PCIF1: variants seen among roughly 807,000 people sequenced by gnomAD.
The protein encoded by PCIF1 is phosphorylated CTD interacting factor 1.
A neutral mutation model predicts 86.9 loss-of-function variants in PCIF1; 12 were observed. The ratio of observed to expected loss-of-function variants is 0.14; its 90% CI spans 0.09 to 0.22. PCIF1 has a LOEUF of 0.22. PCIF1 is among the 10% of genes least tolerant of loss of function. The pLI is 1.00. For synonymous variants in PCIF1, 397 were observed against 372.0 expected, an observed-to-expected ratio of 1.07 and a Z score of -0.77; for missense variants, 701 against 951.1, an observed-to-expected ratio of 0.74 and a Z score of 3.46.
chr20:45,943,369 C>T lies in PCIF1; in HGVS notation c.851C>T (p.Ala284Val). The T allele has an allele frequency of 6.2e-7, 1 of 1,614,122 alleles. No individual in the cohort carries two copies. The highest frequency in any genetic ancestry group is 8.5e-7 in the Non-Finnish European group (1 of 1,180,006). ...RLSRIKFREE[A>V]KRLLFKYAEA... ...TCCCGAATCAAGTTCCGGGAGGAAG[C>T]CAAGCGCCTGCTCTTTAAATATGCG... Residue 284 changes from alanine to valine, a missense_variant, in exon 9 of 17, where the codon GCC becomes GTC. Ala to Val is a moderately conservative substitution (Grantham distance 64, BLOSUM62 0). Around this residue, in one of 7 missense-constraint regions of PCIF1, gnomAD observed 129 missense variants for 245.9 expected, o/e 0.52. Transcript: ENST00000372409. This position sits in a 1 kb window ranked among gnomAD's most constrained non-coding sequence, Gnocchi z 5.5.
In PCIF1 at chr20:45,945,727, T is replaced by A; in HGVS notation, c.1185T>A (p.Pro395=). Residue 395 remains proline, a synonymous_variant, in exon 12 of 17, where the codon CCT becomes CCA. Coordinates refer to ENST00000372409, the MANE Select transcript of PCIF1 (RefSeq NM_022104.4). ...ENNISEEVEA[P]EVEPRLVYCY... ...TGCCCACAGAGGAGGTGGAGGCCCC[T>A]GAGGTGGAGCCCCGCCTAGTGTACT... 1 of 1,613,576 alleles carries A rather than the reference T, an allele frequency of 6.2e-7. No individual in the cohort carries two copies.
At position 45,947,990 on chromosome 20, in the gene PCIF1, T is replaced by A. The variant is rs1482462877; in HGVS notation, c.*235T>A. 1.3e-6 allele frequency: 2 copies of A among 1,517,840 alleles called. No individual in the cohort carries two copies. Among genetic ancestry groups the A allele is most frequent in the African/African-American group, 2.8e-5 (2 of 72,520 alleles). 94.0% of individuals were successfully genotyped at this position (1,517,840 alleles called of 1,614,324 possible). A position where few individuals can be genotyped will look rare whatever the true frequency, so the allele number is the denominator to read the frequency against. On this transcript the variant is annotated 3_prime_UTR_variant, in exon 17 of 17. Coordinates refer to ENST00000372409, the MANE Select transcript of PCIF1 (RefSeq NM_022104.4). This position sits in a 1 kb window ranked among gnomAD's most constrained non-coding sequence, Gnocchi z 5.4. ...CTCACCCTGTTGCCACCTTGTTTCA[T>A]TTGTAAAAGGAAATACAGAAACCCC... is the stretch of plus-strand genomic sequence containing the variant.
At chr20:45,935,198 GCGCGCGCGCGCGCTGGAGCT>G in intron 1 of PCIF1, among the ~76,000 whole-genome samples, 1 of 149,362 alleles carries the variant, frequency 6.7e-6, no homozygotes, top group Non-Finnish European at 1.5e-5. Context: ...GAAGGTGCGC[GCGCGCGCGCGCGCTGGAGCT>G]CGCCTCTCGC....
At chr20:45,937,724 A>T in intron 2 of PCIF1, 139 bp downstream of exon 2, 2 of 397,354 alleles carry the variant, frequency 5.0e-6, no homozygotes, top group Non-Finnish European at 8.9e-6. Context: ...CCTTTTTGTT[A>T]TCAAGGCACT....
Position 45,937,471 on chromosome 20 carries a change from C to A in PCIF1, c.-134C>A, listed in dbSNP as rs1250726785. 2 of 399,220 alleles carry A rather than the reference C, an allele frequency of 5.0e-6. No individual in the cohort carries two copies. The highest frequency in any genetic ancestry group is 7.1e-5 in the East Asian group (2 of 28,076). The allele number at this position is 399,220 out of a possible 1,614,324, so 24.7% of individuals were successfully genotyped here. A position where few individuals can be genotyped will look rare whatever the true frequency, so the allele number is the denominator to read the frequency against. ...CCGTCCACTCCACTGCTGACCAGCC[C>A]ATTCGCCTGTGCTGAGTCTTCCTGC... On this transcript the variant is annotated 5_prime_UTR_variant, in exon 2 of 17. Coordinates refer to ENST00000372409, the MANE Select transcript of PCIF1 (RefSeq NM_022104.4).
At position 45,939,042 on chromosome 20, in the gene PCIF1, C is replaced by A. The variant is rs767396802; in HGVS notation, c.43C>A (p.Leu15Met). Reference protein sequence around the residue: ...NHGSPREEASLLSHSPGTSNQ... With the variant: ...NHGSPREEASMLSHSPGTSNQ... The stretch of plus-strand genomic sequence containing the variant: ...CGGCAGCCCCCGGGAGGAAGCGTCC[C>A]TGCTGAGTCACTCCCCAGGTACCTC... The change falls in exon 3 of 17, where the codon CTG (leucine) becomes ATG (methionine). Residue 15 changes from leucine to methionine, a missense_variant. Leu to Met is a conservative substitution (Grantham distance 15). Around this residue, in one of 7 missense-constraint regions of PCIF1, gnomAD observed 60 missense variants for 58.6 expected, o/e 1.02. Coordinates refer to ENST00000372409, the MANE Select transcript of PCIF1 (RefSeq NM_022104.4). 1 of 1,613,962 alleles carries A rather than the reference C, an allele frequency of 6.2e-7. No homozygotes were observed. The highest frequency in any genetic ancestry group is 8.5e-7 in the Non-Finnish European group (1 of 1,180,006).
Position 45,945,244 on chromosome 20 carries a change from C to G in PCIF1, c.1168+214C>G, listed in dbSNP as rs373132166. 1.4e-4 allele frequency among the ~76,000 whole-genome samples: 21 copies of G among 152,316 alleles called. No homozygotes were observed. In the East Asian group the frequency reaches 2.5e-3, roughly 18 times the overall value. On this transcript the variant is annotated intron_variant, in intron 11 of 16. Coordinates refer to ENST00000372409, the MANE Select transcript of PCIF1 (RefSeq NM_022104.4). ...AAGCTGGGAGTCGTAGTTAGGTGTACCTGAATTTACATCCATTCTCTGCAA... is the reference window on the plus strand; with the variant it reads ...AAGCTGGGAGTCGTAGTTAGGTGTAGCTGAATTTACATCCATTCTCTGCAA...
intron 4 of PCIF1, 26 bp from the exon 5 acceptor site, chr20:45,940,449 C>T (rs757881096): frequency 6.4e-6 from 10 of 1,570,366 alleles, no homozygotes; most frequent in Non-Finnish European, 8.7e-6. Flanking sequence ...GCCCTGGTTG[C>T]AACTCTGCTG....
intron 4 of PCIF1, among the ~76,000 whole-genome samples, chr20:45,939,998 C>T (rs139253183): frequency 5.1e-4 from 77 of 152,330 alleles, no homozygotes; most frequent in Middle Eastern, 3.4e-3. Context: ...CAGAGCAGGA[C>T]GCACACCTGA....
At chr20:45,935,764 G>T (rs1838432719) in intron 1 of PCIF1, among the ~76,000 whole-genome samples, 1 of 151,916 alleles carries the variant, frequency 6.6e-6, no homozygotes, top group Non-Finnish European at 1.5e-5. Flanking sequence ...ATTCTTGTGT[G>T]CCTCACCTCC....
Position 45,947,683 on chromosome 20 carries a change from GTCC to G in PCIF1, c.2049_2051del (p.Ser684del), listed in dbSNP as rs1600512076. 11 of 1,610,540 alleles carry G rather than the reference GTCC, an allele frequency of 6.8e-6. No individual in the cohort carries two copies. Among genetic ancestry groups the G allele is most frequent in the Non-Finnish European group, 9.3e-6 (11 of 1,178,492 alleles). Reference sequence around the variant, plus strand: ...GCCACAGCTCTGGTTCTTCCTCATCGTCCTCCTCGGAGGCCAAGGACCGGGACT... The same window carrying G: ...GCCACAGCTCTGGTTCTTCCTCATCGTCCTCGGAGGCCAAGGACCGGGACT... On this transcript the variant is annotated inframe_deletion, in exon 17 of 17. Coordinates refer to ENST00000372409, the MANE Select transcript of PCIF1 (RefSeq NM_022104.4). The surrounding 1 kb of genome is among the most constrained non-coding windows in gnomAD (Gnocchi z 5.4).
At chr20:45,938,206 T>G (rs1785078666) in intron 2 of PCIF1, among the ~76,000 whole-genome samples, 4 of 152,212 alleles carry the variant, frequency 2.6e-5, no homozygotes, top group African/African-American at 9.7e-5. Flanking sequence ...TGCTGGTACT[T>G]ACAGTAAATA....
chr20:45,938,965 G>C lies in PCIF1; in HGVS notation c.-19-16G>C, dbSNP rs1815613610. 6.2e-7 allele frequency: 1 copy of C among 1,612,416 alleles called. No individual in the cohort carries two copies. The highest frequency in any genetic ancestry group is 1.3e-5 in the African/African-American group (1 of 74,878). On this transcript the variant is annotated splice_polypyrimidine_tract_variant and intron_variant, in intron 2 of 16. Coordinates refer to ENST00000372409, the MANE Select transcript of PCIF1 (RefSeq NM_022104.4). ...GAGGGGGTGGAGCTGACACTCTTTGGTCCTCTGTGTGGCAGGTCCTGTGTG... is the reference window on the plus strand; with the variant it reads ...GAGGGGGTGGAGCTGACACTCTTTGCTCCTCTGTGTGGCAGGTCCTGTGTG...
Position 45,943,211 on chromosome 20 carries a change from T to C in PCIF1, c.788T>C (p.Met263Thr), listed in dbSNP as rs1421934984. ...SNCEPVVSPS[M>T]FREIMNDIPI... ...TGTGAACCAGTCGTGTCACCTTCCA[T>C]GTTTCGTGAAATCATGAACGACATT... is the stretch of plus-strand genomic sequence containing the variant. Residue 263 changes from methionine (M) to threonine (T), a missense_variant, in exon 8 of 17, where the codon ATG becomes ACG. Met to Thr is a moderately conservative substitution (Grantham distance 81). Around this residue, in one of 7 missense-constraint regions of PCIF1, gnomAD observed 129 missense variants for 245.9 expected, o/e 0.52. Coordinates refer to ENST00000372409, the MANE Select transcript of PCIF1 (RefSeq NM_022104.4). This position sits in a 1 kb window ranked among gnomAD's most constrained non-coding sequence, Gnocchi z 5.5. 1 of 1,614,172 alleles carries C rather than the reference T, an allele frequency of 6.2e-7. No homozygotes were observed. The highest frequency in any genetic ancestry group is 8.5e-7 in the Non-Finnish European group (1 of 1,180,026).
In PCIF1 at chr20:45,947,799, C is replaced by A; in HGVS notation, c.*44C>A. 2 of 1,575,262 alleles carry A rather than the reference C, an allele frequency of 1.3e-6. No homozygotes were observed. Among genetic ancestry groups the A allele is most frequent in the Admixed American group, 1.9e-5 (1 of 52,458 alleles). On this transcript the variant is annotated 3_prime_UTR_variant, in exon 17 of 17. Transcript: ENST00000372409. This position sits in a 1 kb window ranked among gnomAD's most constrained non-coding sequence, Gnocchi z 5.4. Reference sequence around the variant, plus strand: ...GGAGCCCCAGGGGTGCTAGTCTGGACTGCTGGGACTCGGGCCCCTGGGGCC... The same window carrying A: ...GGAGCCCCAGGGGTGCTAGTCTGGAATGCTGGGACTCGGGCCCCTGGGGCC...
chr20:45,947,411 G>A lies in PCIF1; in HGVS notation c.1856G>A (p.Arg619His), dbSNP rs1284631393. The A allele has an allele frequency of 6.2e-7, 1 of 1,613,934 alleles. No individual in the cohort carries two copies. The highest frequency in any genetic ancestry group is 8.5e-7 in the Non-Finnish European group (1 of 1,180,014). Residue 619 changes from arginine to histidine, a missense_variant, in exon 16 of 17, where the codon CGC (arginine) becomes CAC (histidine). This residue lies in a region of PCIF1 where 174 missense variants were observed against 206.9 expected (regional missense o/e 0.84). Coordinates refer to ENST00000372409, the MANE Select transcript of PCIF1 (RefSeq NM_022104.4). The surrounding 1 kb of genome is among the most constrained non-coding windows in gnomAD (Gnocchi z 5.4). ...CTGCCTGCCTTTGAGCATGAGTACCGCAGTGGCTCCCAGCACATCTGCAAG... is the reference window on the plus strand; with the variant it reads ...CTGCCTGCCTTTGAGCATGAGTACCACAGTGGCTCCCAGCACATCTGCAAG... ...LILPAFEHEY[R>H]SGSQHICKKE...
Position 45,943,848 on chromosome 20 carries a change from T to A in PCIF1, c.1005+83T>A. Reference sequence around the variant, plus strand: ...GGAAGCCTACTCTGCCTGTCCAGGCTGGGCAAGGCCTCCCCCAGCGGCCTA... The same window carrying A: ...GGAAGCCTACTCTGCCTGTCCAGGCAGGGCAAGGCCTCCCCCAGCGGCCTA... On this transcript the variant is annotated intron_variant, in intron 10 of 16. Coordinates refer to ENST00000372409, the MANE Select transcript of PCIF1 (RefSeq NM_022104.4). This position sits in a 1 kb window ranked among gnomAD's most constrained non-coding sequence, Gnocchi z 5.5. 8.5e-7 allele frequency: 1 copy of A among 1,182,708 alleles called. No individual in the cohort carries two copies. The highest frequency in any genetic ancestry group is 1.2e-6 in the Non-Finnish European group (1 of 824,018). 73.3% of individuals were successfully genotyped at this position (1,182,708 alleles called of 1,614,324 possible).
Position 45,947,991 on chromosome 20 carries a change from T to G in PCIF1, c.*236T>G, listed in dbSNP as rs986386593. 1.3e-6 allele frequency: 2 copies of G among 1,517,160 alleles called. No individual in the cohort carries two copies. Among genetic ancestry groups the G allele is most frequent in the African/African-American group, 2.8e-5 (2 of 72,472 alleles). The allele number at this position is 1,517,160 out of a possible 1,614,324, so 94.0% of individuals were successfully genotyped here. On this transcript the variant is annotated 3_prime_UTR_variant, in exon 17 of 17. Coordinates refer to ENST00000372409, the MANE Select transcript of PCIF1 (RefSeq NM_022104.4). This position sits in a 1 kb window ranked among gnomAD's most constrained non-coding sequence, Gnocchi z 5.4. Reference sequence around the variant, plus strand: ...TCACCCTGTTGCCACCTTGTTTCATTTGTAAAAGGAAATACAGAAACCCCC... The same window carrying G: ...TCACCCTGTTGCCACCTTGTTTCATGTGTAAAAGGAAATACAGAAACCCCC...
chr20:45,946,008 C>T (rs747525132), intron 12 of PCIF1, 21 bp from the exon 13 acceptor site: 12 of 1,613,830 alleles, frequency 7.4e-6, no homozygotes, highest in Middle Eastern at 1.6e-4. Context: ...GAAGGCTCCT[C>T]CTCTCTGTCC....
Sources: allele counts gnomAD v4.1 joint callset (sites outside exome capture counted in the v4.1 genomes callset), GRCh38; gene constraint gnomAD v4.1.1; regional missense constraint gnomAD v4.1.1; non-coding constraint Gnocchi (gnomAD v3.1); transcripts MANE v1.5; gene names NCBI Gene and HGNC (gene_info 2026-07-23, HGNC 2026-07-21).